The following KPTN variants were observed in gnomAD, a reference collection of about 807,000 sequenced individuals.
The protein encoded by KPTN is kaptin, actin binding protein, also known as KICSTOR complex protein kaptin.
KPTN carries 36 observed loss-of-function variants against 52.6 expected under a neutral mutation model. That is an observed-to-expected ratio of 0.68 (90% CI 0.52 to 0.90). The LOEUF is 0.90. Ranked by LOEUF, KPTN falls within the 40% of genes least tolerant of loss-of-function variation. The pLI is 0.00. For synonymous variants in KPTN, 271 were observed against 248.4 expected, an observed-to-expected ratio of 1.09 and a Z score of -0.85; for missense variants, 529 against 576.2, an observed-to-expected ratio of 0.92 and a Z score of 0.84.
chr19:47,478,522 G>A (rs1406224957), intron 8 of KPTN, among the ~76,000 whole-genome samples: 1 of 123,612 alleles, frequency 8.1e-6, no homozygotes, highest in Non-Finnish European at 1.6e-5. Context: ...AGGTGATAGT[G>A]AGCCGAGATT....
chr19:47,481,814 C>T (rs1048970597), intron 4 of KPTN, among the ~76,000 whole-genome samples: 7 of 152,220 alleles, frequency 4.6e-5, no homozygotes, highest in Non-Finnish European at 1.0e-4. Context: ...TCTAGACCAT[C>T]TGTGTTCTGG....
chr19:47,479,043 A>T (rs1042286075), intron 8 of KPTN, among the ~76,000 whole-genome samples: 2 of 150,796 alleles, frequency 1.3e-5, no homozygotes, highest in South Asian at 4.2e-4. Flanking sequence ...GATTGAAATA[A>T]TTTTTTTTTT....
At chr19:47,484,785 A>G (rs1192981159), upstream of KPTN, among the ~76,000 whole-genome samples, 1 of 149,674 alleles carries the variant, frequency 6.7e-6, no homozygotes, top group African/African-American at 2.5e-5. Context: ...GCTCACTGCA[A>G]CCTCTGCCTC....
chr19:47,484,705 TA>T (rs369510340), upstream of KPTN, among the ~76,000 whole-genome samples: 1 of 144,018 alleles, frequency 6.9e-6, no homozygotes, highest in Non-Finnish European at 1.5e-5. Context: ...CACAGTTCAC[TA>T]TTTTTTTTTT....
At position 47,475,343 on chromosome 19, in the gene KPTN, A is replaced by AC; in HGVS notation, c.*72dup. 3 of 1,545,448 alleles carry AC rather than the reference A, an allele frequency of 1.9e-6. No homozygotes were observed. Among genetic ancestry groups the AC allele is most frequent in the Non-Finnish European group, 1.8e-6 (2 of 1,139,918 alleles). ...GGGAGAGCATCCTGTCCTTCAGGAC[A>AC]CCCCCCACCAGCGGCTGGAGGTGAG... is the stretch of plus-strand genomic sequence containing the variant. On this transcript the variant is annotated 3_prime_UTR_variant, in exon 12 of 12. Transcript: ENST00000338134.
rs151125695 is a variant in KPTN, at chr19:47,478,055, G to A, written c.788-274C>T. Among the ~76,000 whole-genome samples, 1,458 of 150,426 alleles carry A rather than the reference G, an allele frequency of 9.7e-3. 27 individuals are homozygous for A. The highest frequency in any genetic ancestry group is 0.033 in the African/African-American group (1,349 of 40,848). On this transcript the variant is annotated intron_variant, in intron 8 of 11. Coordinates refer to ENST00000338134, the MANE Select transcript of KPTN (RefSeq NM_007059.4). ...AGCCTGGGTGACAGAGCGAGACTCC[G>A]TCTCAGAAAAAGAAAAAAAAAAAAA...
At position 47,475,309 on chromosome 19, in the gene KPTN, G is replaced by T. The variant is rs897924602; in HGVS notation, c.*107C>A. Reference sequence around the variant, plus strand: ...CCAGGGCACAGCTTCACCACCCTGGGGAGGTCTGGGGAGAGCATCCTGTCC... The same window carrying T: ...CCAGGGCACAGCTTCACCACCCTGGTGAGGTCTGGGGAGAGCATCCTGTCC... On this transcript the variant is annotated 3_prime_UTR_variant, in exon 12 of 12. Transcript: ENST00000338134. 1.8e-5 allele frequency: 24 copies of T among 1,368,912 alleles called. No individual in the cohort carries two copies. Among genetic ancestry groups the T allele is most frequent in the Non-Finnish European group, 2.2e-5 (22 of 1,012,752 alleles). 84.8% of individuals were successfully genotyped at this position (1,368,912 alleles called of 1,614,324 possible).
chr19:47,477,042 T>A, intron 9 of KPTN, 104 bp from the exon 10 acceptor site: 2 of 1,188,630 alleles, frequency 1.7e-6, no homozygotes, highest in Non-Finnish European at 2.3e-6. Context: ...TTCTCAGGCC[T>A]AGACACACTG....
chr19:47,484,452 C>G (rs1968011323), upstream of KPTN: 3 of 515,120 alleles, frequency 5.8e-6, no homozygotes, highest in Non-Finnish European at 1.0e-5. Context: ...CGGCCTCTCG[C>G]TGTATGCTGT....
chr19:47,481,068 G>T, intron 4 of KPTN, 35 bp from the exon 5 acceptor site: 1 of 1,509,706 alleles, frequency 6.6e-7, no homozygotes, highest in Non-Finnish European at 9.0e-7. Flanking sequence ...CAAGGTAGTG[G>T]AATCCACATG....
rs1361427595 is a variant in KPTN, at chr19:47,475,680, G to A, written c.1183-136C>T. ...GAGGGCAGAGAGCAGACCACAGTGT[G>A]TGGGATGGGAATGGGCCTCTGTGAC... On this transcript the variant is annotated intron_variant, in intron 11 of 11. Coordinates refer to ENST00000338134, the MANE Select transcript of KPTN (RefSeq NM_007059.4). 3.0e-6 allele frequency: 3 copies of A among 1,014,224 alleles called. No homozygotes were observed. The African/African-American group carries it at 4.8e-5, about 16-fold the overall frequency. 62.8% of individuals were successfully genotyped at this position (1,014,224 alleles called of 1,614,324 possible). A position where few individuals can be genotyped will look rare whatever the true frequency, so the allele number is the denominator to read the frequency against.
rs769331426 is a variant in KPTN at position 47,483,494 on chromosome 19, C to G, written c.309+8G>C. ...AGGGCGAAGGGAGGTGGAGGGGGCT[C>G]TAGGTACCTTGATGAACGTGATCCC... On this transcript the variant is annotated splice_region_variant and intron_variant, in intron 2 of 11. Transcript: ENST00000338134. The G allele has an allele frequency of 4.4e-6, 7 of 1,599,656 alleles. No homozygotes were observed. In the Admixed American group the frequency reaches 5.3e-5, roughly 12 times the overall value.
chr19:47,479,913 T>G lies in KPTN; in HGVS notation c.737A>C (p.Gln246Pro). The G allele has an allele frequency of 6.2e-7, 1 of 1,613,094 alleles. No individual in the cohort carries two copies. The highest frequency in any genetic ancestry group is 8.5e-7 in the Non-Finnish European group (1 of 1,179,596). Reference sequence around the variant, plus strand: ...AATCACTCGGGAGATGGGACCGTCCTGCAGGACCGACCACATCTGCAGAAC... The same window carrying G: ...AATCACTCGGGAGATGGGACCGTCCGGCAGGACCGACCACATCTGCAGAAC... Reference protein sequence around the residue: ...REVLQMWSVLQDGPISRVIVF... With the variant: ...REVLQMWSVLPDGPISRVIVF... The change falls in exon 8 of 12, where the codon CAG (glutamine) becomes CCG (proline). Residue 246 changes from glutamine to proline, a missense_variant. Physicochemically the swap from Gln to Pro is moderately conservative, Grantham distance 76 (BLOSUM62 -1). Transcript: ENST00000338134.
At chr19:47,479,069 G>A (rs1967775037) in intron 8 of KPTN, among the ~76,000 whole-genome samples, 1 of 152,090 alleles carries the variant, frequency 6.6e-6, no homozygotes, top group South Asian at 2.1e-4. Flanking sequence ...TTGAGATGGA[G>A]CCTGGCTCCG....
intron 11 of KPTN, among the ~76,000 whole-genome samples, 187 bp from the exon 12 acceptor site, chr19:47,475,731 C>T (rs1044396946): frequency 1.3e-5 from 2 of 151,884 alleles, no homozygotes; most frequent in Non-Finnish European, 2.9e-5. Context: ...TGGCCTTAAG[C>T]GAATTTCTAG....
chr19:47,481,404 C>T (rs1012715361), intron 4 of KPTN, among the ~76,000 whole-genome samples: 3 of 152,180 alleles, frequency 2.0e-5, no homozygotes, highest in African/African-American at 7.2e-5. Context: ...AAAGCTAGGA[C>T]CTCTTCATTC....
chr19:47,484,706 ATTTTTTTTT>A (rs35425298), upstream of KPTN, among the ~76,000 whole-genome samples: 3 of 129,174 alleles, frequency 2.3e-5, no homozygotes, highest in Non-Finnish European at 4.9e-5. Context: ...ACAGTTCACT[ATTTTTTTTT>A]TTTTTTTTTT....
chr19:47,477,608 A>G (rs1852574478), intron 9 of KPTN, 98 bp downstream of exon 9: 2 of 888,558 alleles, frequency 2.3e-6, no homozygotes, highest in South Asian at 2.7e-5. Flanking sequence ...AGCTCTGGGT[A>G]ATCCACCCAG....
Position 47,480,400 on chromosome 19 carries a change from A to G in KPTN, c.607T>C (p.Trp203Arg), listed in dbSNP as rs895364031. The G allele has an allele frequency of 2.6e-6, 4 of 1,547,060 alleles. No homozygotes were observed. The highest frequency in any genetic ancestry group is 3.5e-6 in the Non-Finnish European group (4 of 1,145,056). Residue 203 changes from tryptophan (W) to arginine (R), a missense_variant, in exon 7 of 12, where the codon TGG becomes CGG. Physicochemically the swap from Trp to Arg is moderately radical, Grantham distance 101. Coordinates refer to ENST00000338134, the MANE Select transcript of KPTN (RefSeq NM_007059.4). ...CCGGGGAAGTTGTGGACGTCCAGCC[A>G]GAGGACGCTGGCGGGCGGGTGGATG... ...ELTNLTSSVL[W>R]LDVHNFPGTS...
Sources: allele counts gnomAD v4.1 joint callset (sites outside exome capture counted in the v4.1 genomes callset), GRCh38; gene constraint gnomAD v4.1.1; transcripts MANE v1.5; gene names NCBI Gene and HGNC (gene_info 2026-07-23, HGNC 2026-07-21).